BMPER: variants seen among roughly 807,000 people sequenced by gnomAD.
The protein encoded by BMPER is BMP binding endothelial regulator, also known as BMP-binding endothelial regulator protein.
A neutral mutation model predicts 87.3 loss-of-function variants in BMPER; 45 were observed. That is an observed-to-expected ratio of 0.52 (90% CI 0.41 to 0.66). BMPER has a LOEUF of 0.66. BMPER is among the 30% of genes least tolerant of loss of function. The probability of loss-of-function intolerance (pLI) is 0.00; values close to 1 mark genes in which losing one functional copy is unlikely to be tolerated. For missense variants in BMPER, 784 were observed against 867.5 expected, an observed-to-expected ratio of 0.90 and a Z score of 1.21; for synonymous variants, 326 against 316.2, an observed-to-expected ratio of 1.03 and a Z score of -0.33.
chr7:33,920,420 G>GTTTTTT (rs58577259), intron 2 of BMPER, among the ~76,000 whole-genome samples: 35 of 86,394 alleles, frequency 4.1e-4, no homozygotes, highest in Admixed American at 5.2e-4. Flanking sequence ...ACTCCGTTGT[G>GTTTTTT]TTTTTTTTTT....
At chr7:34,009,725 A>G (rs909916578) in intron 6 of BMPER, among the ~76,000 whole-genome samples, 8 of 151,900 alleles carry the variant, frequency 5.3e-5, no homozygotes, top group Admixed American at 2.6e-4. Context: ...ACAAAAAACT[A>G]TTGTCAACTA....
At chr7:34,032,319 T>C (rs538608904) in intron 6 of BMPER, among the ~76,000 whole-genome samples, 1 of 152,174 alleles carries the variant, frequency 6.6e-6, no homozygotes, top group Non-Finnish European at 1.5e-5. Flanking sequence ...CTGGTTTGTA[T>C]TGAGTTTAAG....
intron 6 of BMPER, among the ~76,000 whole-genome samples, chr7:34,028,379 A>T (rs1787415501): frequency 2.6e-5 from 4 of 151,986 alleles, no homozygotes; most frequent in African/African-American, 9.7e-5. Flanking sequence ...AACACTTAAA[A>T]ATTTCTCAGT....
At chr7:33,935,260 G>C (rs1784574900) in intron 2 of BMPER, among the ~76,000 whole-genome samples, 1 of 152,126 alleles carries the variant, frequency 6.6e-6, no homozygotes, top group Non-Finnish European at 1.5e-5. Flanking sequence ...TAGGTCTGCT[G>C]TTCACAAAGG....
intron 6 of BMPER, among the ~76,000 whole-genome samples, chr7:34,003,410 C>T (rs906720398): frequency 6.6e-6 from 1 of 151,862 alleles, no homozygotes; most frequent in African/African-American, 2.4e-5. Flanking sequence ...TCATACAAAT[C>T]GCACTCTATG....
At chr7:34,058,208 A>ATGTCCTG (rs1788335344) in intron 10 of BMPER, 45 bp downstream of exon 10, 2 of 1,559,468 alleles carry the variant, frequency 1.3e-6, no homozygotes, top group African/African-American at 1.4e-5. Context: ...GTCTTGAGAA[A>ATGTCCTG]TGTCCTGTGT....
intron 6 of BMPER, among the ~76,000 whole-genome samples, chr7:34,038,693 A>G (rs1787750905): frequency 1.3e-5 from 2 of 152,140 alleles, no homozygotes; most frequent in Admixed American, 1.3e-4. Flanking sequence ...TGAAGTACAA[A>G]AGGGTTTTTG....
At chr7:34,112,179 A>T (rs1789982954) in intron 13 of BMPER, among the ~76,000 whole-genome samples, 1 of 152,096 alleles carries the variant, frequency 6.6e-6, no homozygotes, top group Non-Finnish European at 1.5e-5. Flanking sequence ...TGTATTATGA[A>T]TGCTACAGGA....
At chr7:34,116,398 A>G (rs138077465) in intron 13 of BMPER, among the ~76,000 whole-genome samples, 2 of 152,116 alleles carry the variant, frequency 1.3e-5, no homozygotes, top group Admixed American at 1.3e-4. Context: ...TTATTGACTC[A>G]TTCCCATATT....
At chr7:33,923,382 C>T (rs1158944586) in intron 2 of BMPER, among the ~76,000 whole-genome samples, 3 of 152,182 alleles carry the variant, frequency 2.0e-5, no homozygotes, top group South Asian at 2.1e-4. Context: ...GGGTCTGTGC[C>T]CTCTTCTGTG....
chr7:33,930,045 C>T (rs1784444871), intron 2 of BMPER, among the ~76,000 whole-genome samples: 1 of 152,166 alleles, frequency 6.6e-6, no homozygotes, highest in Admixed American at 6.5e-5. Flanking sequence ...GTATATTGTG[C>T]AAAGGGCCAC....
intron 6 of BMPER, among the ~76,000 whole-genome samples, chr7:34,025,786 T>C (rs919647677): frequency 6.6e-6 from 1 of 151,960 alleles, no homozygotes; most frequent in Non-Finnish European, 1.5e-5. Context: ...GAGCCTGGAG[T>C]GTGTTCTTGT....
At chr7:34,102,048 T>C (rs1789694538) in intron 13 of BMPER, among the ~76,000 whole-genome samples, 1 of 152,142 alleles carries the variant, frequency 6.6e-6, no homozygotes, top group Non-Finnish European at 1.5e-5. Flanking sequence ...AAAATGAAAA[T>C]TAATTGACTA....
chr7:33,929,863 A>T (rs911726494), intron 2 of BMPER, among the ~76,000 whole-genome samples: 6 of 152,220 alleles, frequency 3.9e-5, no homozygotes, highest in African/African-American at 1.4e-4. Context: ...GTCAGGTGTT[A>T]TTATTCTTAA....
chr7:33,990,096 C>T (rs1410179465), intron 6 of BMPER, among the ~76,000 whole-genome samples: 1 of 151,304 alleles, frequency 6.6e-6, no homozygotes, highest in Non-Finnish European at 1.5e-5. Flanking sequence ...CTTGGCGATG[C>T]AGGCTCTTTT....
chr7:34,055,049 G>A, intron 8 of BMPER, 114 bp from the exon 9 acceptor site: 1 of 1,417,368 alleles, frequency 7.1e-7, no homozygotes. Context: ...ATTAAAATAG[G>A]GTACCTTACA....
chr7:34,049,476 C>T (rs1788085514), intron 7 of BMPER, among the ~76,000 whole-genome samples: 1 of 152,074 alleles, frequency 6.6e-6, no homozygotes, highest in Admixed American at 6.6e-5. Context: ...ACCTGTGGAA[C>T]AATATTGCCC....
intron 13 of BMPER, among the ~76,000 whole-genome samples, chr7:34,095,421 C>T (rs1209092066): frequency 9.2e-5 from 14 of 152,212 alleles, no homozygotes; most frequent in African/African-American, 3.4e-4. Context: ...TTAGGACCAC[C>T]TTTCCTAGAA....
intron 3 of BMPER, among the ~76,000 whole-genome samples, chr7:33,963,579 A>G (rs1785325700): frequency 6.6e-6 from 1 of 152,136 alleles, no homozygotes; most frequent in Non-Finnish European, 1.5e-5. Flanking sequence ...GGATCACTTG[A>G]GGTCAGGAGT....
Sources: allele counts gnomAD v4.1 joint callset (sites outside exome capture counted in the v4.1 genomes callset), GRCh38; gene constraint gnomAD v4.1.1; transcripts MANE v1.5; gene names NCBI Gene and HGNC (gene_info 2026-07-23, HGNC 2026-07-21).